POT1: variants seen among roughly 807,000 people sequenced by gnomAD.
POT1 encodes the protein protection of telomeres 1, also known as protection of telomeres protein 1.
A neutral mutation model predicts 78.5 loss-of-function variants in POT1; 47 were observed. The ratio of observed to expected loss-of-function variants is 0.60; its 90% CI spans 0.47 to 0.76. The LOEUF is 0.76. POT1 is among the 30% of genes least tolerant of loss of function. The pLI is 0.00. For synonymous variants in POT1, 259 were observed against 260.7 expected (o/e 0.99, Z 0.06); for missense variants, 646 against 749.9 (o/e 0.86, Z 1.62).
chr7:124,913,099 C>G (rs545730611), intron 3 of POT1, among the ~76,000 whole-genome samples: 2 of 152,070 alleles, frequency 1.3e-5, no homozygotes, highest in Non-Finnish European at 2.9e-5. Flanking sequence ...CATCTGATCC[C>G]GTGAAACTCC....
At chr7:124,841,288 CA>C (rs1317032033) in intron 13 of POT1, 110 bp from the exon 14 acceptor site, 1 of 777,240 alleles carries the variant, frequency 1.3e-6, no homozygotes, top group Non-Finnish European at 2.1e-6. Flanking sequence ...GTAGATGAGT[CA>C]GTTACTTTTT....
intron 3 of POT1, among the ~76,000 whole-genome samples, chr7:124,913,941 C>T (rs973436289): frequency 2.0e-5 from 3 of 151,926 alleles, no homozygotes; most frequent in Non-Finnish European, 2.9e-5. Context: ...CAAGACCATC[C>T]TGGCTAACAT....
rs2116399138 is a variant in POT1 at position 124,822,677 on chromosome 7, T to C, written c.*1285A>G. 3.2e-6 allele frequency: 1 copy of C among 311,126 alleles called. No individual in the cohort carries two copies. The highest frequency in any genetic ancestry group is 7.0e-6 in the Non-Finnish European group (1 of 142,916). The allele number at this position is 311,126 out of a possible 1,614,324, so 19.3% of individuals were successfully genotyped here. A position where few individuals can be genotyped will look rare whatever the true frequency, so the allele number is the denominator to read the frequency against. On this transcript the variant is annotated 3_prime_UTR_variant, in exon 19 of 19. Transcript: ENST00000357628. ...GAAAATGTTTTGAACCAAGAGTCTA[T>C]ATTCTTGAAAATAAAATCAGTCTTT...
chr7:124,853,180 T>G, intron 9 of POT1, 42 bp from the exon 10 acceptor site: 1 of 1,423,228 alleles, frequency 7.0e-7, no homozygotes, highest in Non-Finnish European at 9.6e-7. Flanking sequence ...TGGGGAAAAA[T>G]TAAAATACTT....
intron 6 of POT1, among the ~76,000 whole-genome samples, chr7:124,875,409 A>T (rs1795966763): frequency 6.6e-6 from 1 of 152,206 alleles, no homozygotes; most frequent in Non-Finnish European, 1.5e-5. Context: ...TCACTATTAT[A>T]TCATTCTTCA....
At chr7:124,894,589 C>T (rs1332616301) in intron 5 of POT1, among the ~76,000 whole-genome samples, 1 of 151,572 alleles carries the variant, frequency 6.6e-6, no homozygotes, top group African/African-American at 2.4e-5. Context: ...CTTAATCATT[C>T]TCTAATGAGT....
Position 124,827,199 on chromosome 7 carries a change from A to G in POT1, c.1686+15T>C. The stretch of plus-strand genomic sequence containing the variant: ...TTTTTTAATTAAAAATATCTTTATT[A>G]CCTCTGATACTTACAGAATCCATGA... On this transcript the variant is annotated intron_variant, in intron 17 of 18. Coordinates refer to ENST00000357628, the MANE Select transcript of POT1 (RefSeq NM_015450.3). 7.4e-7 allele frequency: 1 copy of G among 1,348,622 alleles called. No homozygotes were observed. Among genetic ancestry groups the G allele is most frequent in the Non-Finnish European group, 1.0e-6 (1 of 994,334 alleles). The allele number at this position is 1,348,622 out of a possible 1,614,324, so 83.5% of individuals were successfully genotyped here. A position where few individuals can be genotyped will look rare whatever the true frequency, so the allele number is the denominator to read the frequency against.
At chr7:124,833,788 C>G (rs1021438098) in intron 15 of POT1, among the ~76,000 whole-genome samples, 1 of 152,192 alleles carries the variant, frequency 6.6e-6, no homozygotes, top group Non-Finnish European at 1.5e-5. Context: ...TGTACTCTCA[C>G]TATATATGCT....
At chr7:124,887,926 C>G (rs2116618031) in intron 6 of POT1, among the ~76,000 whole-genome samples, 1 of 152,112 alleles carries the variant, frequency 6.6e-6, no homozygotes, top group Admixed American at 6.6e-5. Context: ...TTTGTTAAAA[C>G]CTTACATTAT....
intron 8 of POT1, among the ~76,000 whole-genome samples, chr7:124,860,612 T>C (rs1795567933): frequency 6.6e-6 from 1 of 152,182 alleles, no homozygotes; most frequent in Non-Finnish European, 1.5e-5. Flanking sequence ...TACTAATTCT[T>C]TTCTTTAAAT....
intron 2 of POT1, among the ~76,000 whole-genome samples, chr7:124,922,268 T>A (rs1258251842): frequency 3.3e-5 from 5 of 151,980 alleles, no homozygotes; most frequent in Non-Finnish European, 7.4e-5. Flanking sequence ...TGAAGGGAAA[T>A]AATGCCCAGA....
chr7:124,868,258 T>G (rs1305759239), intron 7 of POT1, among the ~76,000 whole-genome samples: 1 of 151,648 alleles, frequency 6.6e-6, no homozygotes, highest in Admixed American at 6.6e-5. Flanking sequence ...ACATAAAGAG[T>G]GTAAGGAAGC....
intron 7 of POT1, among the ~76,000 whole-genome samples, chr7:124,864,090 T>C (rs1230216200): frequency 6.6e-6 from 1 of 152,176 alleles, no homozygotes; most frequent in African/African-American, 2.4e-5. Flanking sequence ...TCAGAGTGAC[T>C]GAGAGCACTG....
intron 2 of POT1, among the ~76,000 whole-genome samples, chr7:124,916,208 C>T (rs1191242230): frequency 2.0e-5 from 3 of 152,078 alleles, no homozygotes; most frequent in East Asian, 1.9e-4. Context: ...AAAATAGATC[C>T]TATTAGCCTC....
intron 6 of POT1, among the ~76,000 whole-genome samples, chr7:124,888,639 T>C (rs1385353139): frequency 6.6e-6 from 1 of 152,078 alleles, no homozygotes; most frequent in African/African-American, 2.4e-5. Context: ...AATTAAAGGT[T>C]GTGGCAACTC....
rs192049361 is a variant in POT1 at position 124,921,727 on chromosome 7, C to A, written c.-226-6081G>T. 5.9e-5 allele frequency among the ~76,000 whole-genome samples: 9 copies of A among 152,040 alleles called. No individual in the cohort carries two copies. In the South Asian group the frequency reaches 1.7e-3, roughly 28 times the overall value. On this transcript the variant is annotated intron_variant, in intron 2 of 18. Coordinates refer to ENST00000357628, the MANE Select transcript of POT1 (RefSeq NM_015450.3). ...ATTACTCAACTGAAAATCCTCTCTG[C>A]CACACAAATAAAACACAATAAAATA...
intron 14 of POT1, chr7:124,837,207 T>A (rs1395965847): frequency 3.2e-5 from 10 of 310,506 alleles, no homozygotes; most frequent in African/African-American, 2.2e-4. Flanking sequence ...ATATCCAGCT[T>A]ACAGAAGAAC....
chr7:124,856,136 T>G (rs1267168484), intron 9 of POT1, among the ~76,000 whole-genome samples: 1 of 152,180 alleles, frequency 6.6e-6, no homozygotes, highest in Non-Finnish European at 1.5e-5. Context: ...AACACATTTT[T>G]TCCTGTTTCT....
At chr7:124,893,454 T>C (rs1584792766) in intron 5 of POT1, among the ~76,000 whole-genome samples, 1 of 151,480 alleles carries the variant, frequency 6.6e-6, no homozygotes, top group African/African-American at 2.4e-5. Context: ...TGAAAACTTA[T>C]TGAGAAGTTG....
Sources: allele counts gnomAD v4.1 joint callset (sites outside exome capture counted in the v4.1 genomes callset), GRCh38; gene constraint gnomAD v4.1.1; transcripts MANE v1.5; gene names NCBI Gene and HGNC (gene_info 2026-07-23, HGNC 2026-07-21).